The following NR5A2 variants were observed in gnomAD, a reference collection of about 807,000 sequenced individuals.
NR5A2 encodes the protein nuclear receptor subfamily 5 group A member 2.
A neutral mutation model predicts 62.7 loss-of-function variants in NR5A2; 26 were observed. That is an observed-to-expected ratio of 0.41 (90% confidence interval 0.30 to 0.58). The LOEUF (loss-of-function observed/expected upper bound fraction) is 0.58. Ranked by LOEUF, NR5A2 falls within the 20% of genes least tolerant of loss-of-function variation. The pLI, the probability that NR5A2 is intolerant of heterozygous loss-of-function variation, is 0.22. For synonymous variants in NR5A2, 246 were observed against 241.7 expected, an observed-to-expected ratio of 1.02 and a Z score of -0.16; for missense variants, 541 against 669.1, an observed-to-expected ratio of 0.81 and a Z score of 2.11.
intron 7 of NR5A2, among the ~76,000 whole-genome samples, chr1:200,165,908 A>G (rs1328231088): frequency 6.6e-6 from 1 of 152,240 alleles, no homozygotes; most frequent in Non-Finnish European, 1.5e-5. Context: ...TATACAACCA[A>G]TATCCAAAAT....
chr1:200,135,612 T>G (rs1667190023), intron 7 of NR5A2, among the ~76,000 whole-genome samples: 1 of 152,106 alleles, frequency 6.6e-6, no homozygotes. Context: ...ATTGAGGTGA[T>G]ATGGCCTAAT....
At chr1:200,045,324 C>A (rs571087738) in intron 3 of NR5A2, 119 bp from the exon 4 acceptor site, 196 of 832,714 alleles carry the variant, frequency 2.4e-4, no homozygotes, top group Non-Finnish European at 3.1e-4. Flanking sequence ...AACCACAGAA[C>A]CACATAAGGG....
chr1:200,038,648 G>A, intron 1 of NR5A2: 2 of 1,236,968 alleles, frequency 1.6e-6, no homozygotes, highest in South Asian at 2.4e-5. Context: ...CGACACACTA[G>A]CAAGGGCACA....
At chr1:200,167,106 C>A (rs147091924) in intron 7 of NR5A2, among the ~76,000 whole-genome samples, 2 of 152,160 alleles carry the variant, frequency 1.3e-5, no homozygotes, top group Non-Finnish European at 2.9e-5. Flanking sequence ...ACCCATCACC[C>A]ATCAGCTGTA....
chr1:200,082,315 G>A (rs1462734427), intron 5 of NR5A2, among the ~76,000 whole-genome samples: 1 of 152,126 alleles, frequency 6.6e-6, no homozygotes, highest in Admixed American at 6.6e-5. Context: ...TAAAAATTAT[G>A]ATCATATTTT....
chr1:200,132,955 G>C (rs1421218928), intron 7 of NR5A2, among the ~76,000 whole-genome samples: 1 of 152,146 alleles, frequency 6.6e-6, no homozygotes. Flanking sequence ...ATACAAACAC[G>C]TCTTATTTCT....
At chr1:200,032,948 C>T (rs577763666) in intron 1 of NR5A2, among the ~76,000 whole-genome samples, 54 of 152,324 alleles carry the variant, frequency 3.5e-4, no homozygotes, top group African/African-American at 1.2e-3. Context: ...ATGGACATTT[C>T]GAGCTTAAGA....
chr1:200,173,885 A>G, intron 7 of NR5A2, 78 bp from the exon 8 acceptor site: 1 of 1,334,528 alleles, frequency 7.5e-7, no homozygotes, highest in East Asian at 2.7e-5. Flanking sequence ...ACATCCATTA[A>G]TTGAACACAT....
intron 7 of NR5A2, among the ~76,000 whole-genome samples, chr1:200,144,086 CA>C (rs1667563222): frequency 1.3e-5 from 2 of 152,030 alleles, no homozygotes; most frequent in Non-Finnish European, 2.9e-5. Flanking sequence ...AAGAGTGCAC[CA>C]AAATGAGAAT....
At chr1:200,078,240 A>G (rs760322729) in intron 5 of NR5A2, among the ~76,000 whole-genome samples, 9 of 152,218 alleles carry the variant, frequency 5.9e-5, no homozygotes, top group Non-Finnish European at 1.2e-4. Context: ...AAAGACTTCA[A>G]TAGCACTTGG....
chr1:200,061,790 C>T (rs1374459288), intron 5 of NR5A2, among the ~76,000 whole-genome samples: 5 of 152,164 alleles, frequency 3.3e-5, no homozygotes. Context: ...GGCCTTTCAT[C>T]AATGGTTTAG....
intron 5 of NR5A2, among the ~76,000 whole-genome samples, chr1:200,073,421 T>C (rs1329609796): frequency 2.6e-5 from 4 of 151,136 alleles, no homozygotes; most frequent in East Asian, 3.9e-4. Flanking sequence ...TCCACAGATA[T>C]TAACATCTGA....
intron 7 of NR5A2, among the ~76,000 whole-genome samples, chr1:200,166,397 G>A (rs1653902673): frequency 6.6e-6 from 1 of 152,152 alleles, no homozygotes; most frequent in Non-Finnish European, 1.5e-5. Flanking sequence ...ATAGTGATTT[G>A]TGGCATTTAA....
intron 5 of NR5A2, among the ~76,000 whole-genome samples, chr1:200,100,704 G>C (rs756407162): frequency 9.2e-5 from 14 of 152,170 alleles, no homozygotes; most frequent in Non-Finnish European, 1.6e-4. Flanking sequence ...GCTAAATATT[G>C]TATCTACTGT....
chr1:200,133,588 CATATAT>C (rs199503955), intron 7 of NR5A2, among the ~76,000 whole-genome samples: 2 of 123,648 alleles, frequency 1.6e-5, no homozygotes, highest in African/African-American at 6.1e-5. Flanking sequence ...TATATATACA[CATATAT>C]ATATATACAC....
At chr1:200,056,332 A>T (rs368767060) in intron 5 of NR5A2, among the ~76,000 whole-genome samples, 1 of 152,136 alleles carries the variant, frequency 6.6e-6, no homozygotes, top group East Asian at 1.9e-4. Context: ...CTTTACTGGG[A>T]TATCTTGAAA....
intron 5 of NR5A2, among the ~76,000 whole-genome samples, chr1:200,105,333 G>A (rs901075722): frequency 6.6e-6 from 1 of 151,920 alleles, no homozygotes; most frequent in Admixed American, 6.6e-5. Flanking sequence ...GAAAAAAAAA[G>A]TGATTCTACA....
At chr1:200,040,561 A>AGATC (rs3838448) in intron 2 of NR5A2, among the ~76,000 whole-genome samples, 49,053 of 151,880 alleles carry the variant, frequency 0.32, 10,764 homozygotes, top group African/African-American at 0.63. Flanking sequence ...TAGCAACCCT[A>AGATC]TGGCTTGTAT....
At chr1:200,171,746 T>C (rs1258552728) in intron 7 of NR5A2, among the ~76,000 whole-genome samples, 1 of 152,092 alleles carries the variant, frequency 6.6e-6, no homozygotes, top group Non-Finnish European at 1.5e-5. Flanking sequence ...AGACTCTGTC[T>C]CAAAATAAAA....
Sources: gnomAD v4.1 joint callset for allele counts (sites outside exome capture counted in the v4.1 genomes callset) on GRCh38, gnomAD v4.1.1 for gene constraint, MANE v1.5 for transcripts, NCBI Gene and HGNC (gene_info 2026-07-23, HGNC 2026-07-21) for gene names.